Variants in DIPK2B observed in about 807,000 individuals in gnomAD.
DIPK2B encodes divergent protein kinase domain 2B.
DIPK2B carries 15 observed loss-of-function variants against 22.2 expected under a neutral mutation model. That is an observed-to-expected ratio of 0.68 (90% CI 0.45 to 1.04). DIPK2B has a LOEUF of 1.04. Among genes scored for constraint, DIPK2B ranks in the 50% least tolerant of loss-of-function variants. The pLI is 0.00. For missense variants in DIPK2B, 345 were observed against 348.3 expected (o/e 0.99, Z 0.08); for synonymous variants, 163 against 153.2 (o/e 1.06, Z -0.47).
At chrX:45,171,473 G>T (rs972180615) in intron 2 of DIPK2B, among the ~76,000 whole-genome samples, 1 of 111,215 alleles carries the variant, frequency 9.0e-6, no homozygotes, top group Non-Finnish European at 1.9e-5. Context: ...GGATTCTGGT[G>T]CCTGCTCAAG....
intron 2 of DIPK2B, among the ~76,000 whole-genome samples, chrX:45,158,432 T>C (rs1048107336): frequency 1.3e-4 from 15 of 111,755 alleles, no homozygotes; most frequent in African/African-American, 4.2e-4. Context: ...ATTCATTCCC[T>C]GCCATGGGCT....
At position 45,196,423 on chromosome X, in the gene DIPK2B, AG is replaced by A. The variant is rs2047239618; in HGVS notation, c.233+4170del. On this transcript the variant is annotated intron_variant, in intron 1 of 4. Coordinates refer to ENST00000398000, the MANE Select transcript of DIPK2B (RefSeq NM_176819.4). ...TTGATGTGAAGAAGTGAGTTAAGAC[AG>A]TAATTATTGTCAACTTCTGAGGGCA... Among the ~76,000 whole-genome samples the A allele has an allele frequency of 7.2e-5, 8 of 111,884 alleles. 1 individual carries two copies. In the South Asian group the frequency reaches 3.0e-3, roughly 42 times the overall value.
chrX:45,163,235 C>A (rs1317894237), intron 2 of DIPK2B: 1 of 248,439 alleles, frequency 4.0e-6, no homozygotes, highest in Non-Finnish European at 5.6e-6. Context: ...CAGCTCCTGC[C>A]CAAAGGTTTA....
chrX:45,190,889 A>C (rs1174810947), intron 2 of DIPK2B, among the ~76,000 whole-genome samples: 1 of 112,264 alleles, frequency 8.9e-6, no homozygotes, highest in Non-Finnish European at 1.9e-5. Context: ...AAGTATCTAG[A>C]AGGTGAGAGA....
At position 45,151,673 on chromosome X, in the gene DIPK2B, G is replaced by T. The variant is rs768534512; in HGVS notation, c.1281C>A (p.Cys427Ter). ...DSRFAYRYPD[C>*]KYNDKF ...CCCTTCAGAACTTATCGTTATATTT[G>T]CAATCTGGGTAACGATAGGCAAATC... Residue 427 changes from cysteine (C) to a stop codon, truncating the protein, a stop_gained, in exon 5 of 5, where the codon TGC becomes TGA. Coordinates refer to ENST00000398000, the MANE Select transcript of DIPK2B (RefSeq NM_176819.4). LOFTEE classifies it high-confidence loss of function. The T allele has an allele frequency of 8.3e-7, 1 of 1,211,367 alleles. No homozygotes were observed. Among genetic ancestry groups the T allele is most frequent in the East Asian group, 3.0e-5 (1 of 33,851 alleles).
At chrX:45,168,368 TAAC>T (rs1448364937) in intron 2 of DIPK2B, among the ~76,000 whole-genome samples, 1 of 112,333 alleles carries the variant, frequency 8.9e-6, no homozygotes, top group African/African-American at 3.2e-5. Context: ...AAAGAGTGAA[TAAC>T]ATATCCAGGA....
Position 45,151,471 on chromosome X carries a change from C to A in DIPK2B, c.*181G>T, listed in dbSNP as rs1046399095. ...ATGCCCACCGCGGGCTTTGCCAGGA[C>A]GTCCCAGCCAGCAGAGACAGCCACG... On this transcript the variant is annotated 3_prime_UTR_variant, in exon 5 of 5. Coordinates refer to ENST00000398000, the MANE Select transcript of DIPK2B (RefSeq NM_176819.4). 9 of 476,012 alleles carry A rather than the reference C, an allele frequency of 1.9e-5. No individual in the cohort carries two copies. Among genetic ancestry groups the A allele is most frequent in the African/African-American group, 9.8e-5 (4 of 40,916 alleles). The allele number at this position is 476,012 out of a possible 1,213,427, so 39.2% of individuals were successfully genotyped here.
chrX:45,184,114 T>C, intron 2 of DIPK2B, among the ~76,000 whole-genome samples: 1 of 111,415 alleles, frequency 9.0e-6, no homozygotes, highest in Admixed American at 9.5e-5. Context: ...AGCTTCAATA[T>C]GAGAGGAATG....
Position 45,194,353 on chromosome X carries a change from G to A in DIPK2B, c.234-2338C>T, listed in dbSNP as rs1248129704. ...CAACCTCCACCTCCTGGGTTTAAGC[G>A]ATTCTTCTGCCTCAGCCTCCTGAGT... On this transcript the variant is annotated intron_variant, in intron 1 of 4. Transcript: ENST00000398000. 3.6e-5 allele frequency among the ~76,000 whole-genome samples: 4 copies of A among 110,709 alleles called. No individual in the cohort carries two copies. The Admixed American group carries it at 3.8e-4, about 11-fold the overall frequency.
chrX:45,153,808 G>A, intron 4 of DIPK2B, 102 bp downstream of exon 4: 1 of 667,079 alleles, frequency 1.5e-6, no homozygotes, highest in Non-Finnish European at 2.2e-6. Flanking sequence ...GACATGCAGA[G>A]ATGGGAAAGG....
intron 2 of DIPK2B, among the ~76,000 whole-genome samples, chrX:45,168,303 G>A (rs189369030): frequency 2.7e-4 from 31 of 112,763 alleles, no homozygotes; most frequent in Middle Eastern, 4.6e-3. Flanking sequence ...GGTAGAAGCA[G>A]AGACAGGAAT....
intron 2 of DIPK2B, chrX:45,163,743 C>A (rs1452026194): frequency 4.0e-6 from 3 of 756,924 alleles, no homozygotes; most frequent in Non-Finnish European, 3.1e-6. Context: ...ATCACTAGGG[C>A]AAGAACAGGT....
At chrX:45,153,474 T>TAGTGTG (rs778708679) in intron 4 of DIPK2B, among the ~76,000 whole-genome samples, 109 of 73,859 alleles carry the variant, frequency 1.5e-3, no homozygotes, top group African/African-American at 5.5e-3. Flanking sequence ...CCCAAAAGTT[T>TAGTGTG]TGTGTGTGTG....
chrX:45,192,619 A>G (rs753351629), intron 1 of DIPK2B, among the ~76,000 whole-genome samples: 2 of 111,060 alleles, frequency 1.8e-5, no homozygotes, highest in South Asian at 7.7e-4. Flanking sequence ...AAGCAGCCCC[A>G]TTAGTCTAAA....
At chrX:45,182,674 C>T (rs1427592415) in intron 2 of DIPK2B, among the ~76,000 whole-genome samples, 3 of 112,493 alleles carry the variant, frequency 2.7e-5, no homozygotes, top group Non-Finnish European at 3.7e-5. Context: ...CATCACAGAG[C>T]GGTGTTGTTT....
intron 2 of DIPK2B, among the ~76,000 whole-genome samples, chrX:45,167,327 C>CA (rs1355963828): frequency 1.8e-4 from 20 of 108,918 alleles, no homozygotes; most frequent in Non-Finnish European, 5.7e-5. Flanking sequence ...CATGTGTCTA[C>CA]AAAAAAATGA....
At chrX:45,188,591 CAT>C (rs2047195632) in intron 2 of DIPK2B, among the ~76,000 whole-genome samples, 1 of 112,380 alleles carries the variant, frequency 8.9e-6, no homozygotes, top group African/African-American at 3.2e-5. Context: ...ATTCATATAA[CAT>C]AAAATTAACC....
chrX:45,154,715 A>C (rs2046983573), intron 3 of DIPK2B, among the ~76,000 whole-genome samples: 1 of 112,368 alleles, frequency 8.9e-6, no homozygotes, highest in African/African-American at 3.2e-5. Flanking sequence ...TAGTTGAAAC[A>C]AATAGGATTA....
At chrX:45,190,881 G>A (rs2047207324) in intron 2 of DIPK2B, among the ~76,000 whole-genome samples, 1 of 112,431 alleles carries the variant, frequency 8.9e-6, no homozygotes, top group South Asian at 3.6e-4. Context: ...TATTACGGAA[G>A]TATCTAGAAG....
Sources: gnomAD v4.1 joint callset for allele counts (sites outside exome capture counted in the v4.1 genomes callset) on GRCh38, gnomAD v4.1.1 for gene constraint, MANE v1.5 for transcripts, NCBI Gene and HGNC (gene_info 2026-07-23, HGNC 2026-07-21) for gene names.